Variants in BRCA2 observed in about 807,000 individuals in gnomAD.
BRCA2 encodes the protein BRCA2 DNA repair associated.
A neutral mutation model predicts 276.7 loss-of-function variants in BRCA2; 203 were observed. The observed-to-expected ratio is 0.73, with a 90% CI of 0.65 to 0.82. BRCA2 has a LOEUF of 0.82. Among genes scored for constraint, BRCA2 ranks in the 40% least tolerant of loss-of-function variants. The probability of loss-of-function intolerance (pLI) is 0.00; values close to 1 mark genes in which losing one functional copy is unlikely to be tolerated. For missense variants in BRCA2, 3,920 were observed against 3,915.0 expected (o/e 1.00, Z -0.03); for synonymous variants, 1,289 against 1,338.4 (o/e 0.96, Z 0.81).
intron 13 of BRCA2, 58 bp downstream of exon 13, chr13:32,346,954 TATAA>T (rs2137542138): frequency 7.6e-7 from 1 of 1,322,956 alleles, no homozygotes; most frequent in East Asian, 2.4e-5. Context: ...GTCTCGTTTT[TATAA>T]ATGAACATTT....
rs2137624412 is a variant in BRCA2 at position 32,380,000 on chromosome 13, T to C, written c.9118-7T>C. 6.2e-7 allele frequency: 1 copy of C among 1,614,062 alleles called. No individual in the cohort carries two copies. The highest frequency in any genetic ancestry group is 8.5e-7 in the Non-Finnish European group (1 of 1,179,956). ...CATATGTTGAATTTTTGTTTTGTTT[T>C]CTGTAGGTTTCAGATGAAATTTTAT... On this transcript the variant is annotated splice_polypyrimidine_tract_variant and splice_region_variant and intron_variant, in intron 23 of 26. Transcript: ENST00000380152.
intron 13 of BRCA2, among the ~76,000 whole-genome samples, chr13:32,353,238 C>T (rs747252643): frequency 2.6e-5 from 4 of 152,144 alleles, no homozygotes; most frequent in Non-Finnish European, 4.4e-5. Flanking sequence ...TCTCTTAAAG[C>T]CCAACTCATT....
chr13:32,376,182 T>C (rs2072870030), intron 20 of BRCA2, among the ~76,000 whole-genome samples: 1 of 132,606 alleles, frequency 7.5e-6, no homozygotes, highest in Non-Finnish European at 1.5e-5. Flanking sequence ...TCTGTATGAC[T>C]TTTTTTTTTT....
intron 24 of BRCA2, among the ~76,000 whole-genome samples, chr13:32,390,870 G>A (rs754081884): frequency 1.3e-5 from 2 of 152,170 alleles, no homozygotes; most frequent in Non-Finnish European, 1.5e-5. Flanking sequence ...CAGGTATGCA[G>A]CATCTCATAC....
Position 32,340,248 on chromosome 13 carries a change from C to A in BRCA2, c.5893C>A (p.Leu1965Ile), listed in dbSNP as rs398122542. The A allele has an allele frequency of 6.2e-7, 1 of 1,613,828 alleles. No individual in the cohort carries two copies. The highest frequency in any genetic ancestry group is 8.5e-7 in the Non-Finnish European group (1 of 1,179,900). The change falls in exon 11 of 27, where the codon CTT becomes ATT. Residue 1965 changes from leucine to isoleucine, a missense_variant. Physicochemically the swap from Leu to Ile is conservative, Grantham distance 5. Coordinates refer to ENST00000380152, the MANE Select transcript of BRCA2 (RefSeq NM_000059.4). ...SDICKCSIGK[L>I]HKSVSSANTC... ...TATATGTAAATGTAGTATAGGGAAGCTTCATAAGTCAGTCTCATCTGCAAA... is the reference window on the plus strand; with the variant it reads ...TATATGTAAATGTAGTATAGGGAAGATTCATAAGTCAGTCTCATCTGCAAA...
chr13:32,357,186 A>G (rs2072704095), intron 15 of BRCA2, among the ~76,000 whole-genome samples: 1 of 152,232 alleles, frequency 6.6e-6, no homozygotes, highest in South Asian at 2.1e-4. Flanking sequence ...AGAGAACTGA[A>G]GCATAGAGAG....
rs28897721 is a variant in BRCA2 at position 32,337,936 on chromosome 13, G to A, written c.3581G>A (p.Gly1194Asp). 184 of 1,614,024 alleles carry A rather than the reference G, an allele frequency of 1.1e-4. No homozygotes were observed. Among genetic ancestry groups the A allele is most frequent in the Middle Eastern group, 3.3e-4 (2 of 6,062 alleles). ...GTVEIKRKFA[G>D]LLKNDCNKSA... ...GTTGAAATTAAACGGAAGTTTGCTG[G>A]CCTGTTGAAAAATGACTGTAACAAA... Residue 1194 changes from glycine to aspartate, a missense_variant, in exon 11 of 27, where the codon GGC becomes GAC. Coordinates refer to ENST00000380152, the MANE Select transcript of BRCA2 (RefSeq NM_000059.4).
intron 25 of BRCA2, among the ~76,000 whole-genome samples, chr13:32,396,648 GAA>G (rs1289404032): frequency 6.6e-6 from 1 of 152,192 alleles, no homozygotes; most frequent in East Asian, 1.9e-4. Flanking sequence ...AGATGACAGA[GAA>G]GATCTCTTTC....
rs1239929428 is a variant in BRCA2, at chr13:32,319,209, G to A, written c.200G>A (p.Arg67Lys). Residue 67 changes from arginine to lysine, a missense_variant, in exon 3 of 27, where the codon AGG becomes AAG. By Grantham distance (26) the Arg-to-Lys change is conservative. Transcript: ENST00000380152. ...CCAAACCTATTTAAAACTCCACAAA[G>A]GAAACCATCTTATAATCAGCTGGCT... ...YEPNLFKTPQ[R>K]KPSYNQLAST... The A allele has an allele frequency of 6.2e-7, 1 of 1,613,842 alleles. No homozygotes were observed. Among genetic ancestry groups the A allele is most frequent in the Middle Eastern group, 1.6e-4 (1 of 6,062 alleles).
Position 32,333,406 on chromosome 13 carries a change from T to G in BRCA2, c.1909+19T>G. On this transcript the variant is annotated intron_variant, in intron 10 of 26. Coordinates refer to ENST00000380152, the MANE Select transcript of BRCA2 (RefSeq NM_000059.4). ...GATTCAGGTACCTCTGTCTTTTTTT[T>G]TTTGTAAATAGTACATATAGTTTTA... 2 of 1,606,124 alleles carry G rather than the reference T, an allele frequency of 1.2e-6. No individual in the cohort carries two copies. Among genetic ancestry groups the G allele is most frequent in the South Asian group, 2.3e-5 (2 of 88,638 alleles).
rs80359614 is a variant in BRCA2 at position 32,340,996 on chromosome 13, CT to C, written c.6643del (p.Tyr2215ThrfsTer14). On this transcript the variant is annotated frameshift_variant, in exon 11 of 27. Transcript: ENST00000380152. LOFTEE classifies it high-confidence loss of function. ...PVKTNIEVCS[T>X]YSKDSENYFE... ...AAAACAAATATAGAAGTTTGTTCTA[CT>C]TACTCCAAAGATTCAGAAAACTACT... is the stretch of plus-strand genomic sequence containing the variant. The C allele has an allele frequency of 6.2e-7, 1 of 1,612,110 alleles. No individual in the cohort carries two copies. Among genetic ancestry groups the C allele is most frequent in the Non-Finnish European group, 8.5e-7 (1 of 1,179,474 alleles).
In BRCA2 at chr13:32,399,734, A is replaced by G. The variant is rs979508630; in HGVS notation, c.*964A>G. On this transcript the variant is annotated 3_prime_UTR_variant, in exon 27 of 27. Coordinates refer to ENST00000380152, the MANE Select transcript of BRCA2 (RefSeq NM_000059.4). ...GAGCCTATGCCCTTTTAAACTTACC[A>G]CAAAAGCAGAAGATTAATTCAATTT... 1.8e-5 allele frequency: 3 copies of G among 165,154 alleles called. No individual in the cohort carries two copies. Among genetic ancestry groups the G allele is most frequent in the Non-Finnish European group, 2.6e-5 (2 of 75,660 alleles). 10.2% of individuals were successfully genotyped at this position (165,154 alleles called of 1,614,324 possible). A position where few individuals can be genotyped will look rare whatever the true frequency, so the allele number is the denominator to read the frequency against.
At chr13:32,372,269 C>G (rs1020263020) in intron 20 of BRCA2, among the ~76,000 whole-genome samples, 1 of 152,200 alleles carries the variant, frequency 6.6e-6, no homozygotes, top group African/African-American at 2.4e-5. Context: ...TTCGCCAGGA[C>G]TAGATTCCCT....
Position 32,338,969 on chromosome 13 carries a change from T to C in BRCA2, c.4614T>C (p.Ser1538=), listed in dbSNP as rs45520945. Residue 1538 remains serine, a synonymous_variant, in exon 11 of 27, where the codon TCT becomes TCC. Transcript: ENST00000380152. The part of the protein sequence containing the change: ...SGKKVKIAKE[S]LDKVKNLFDE... ...AAAAAGTTAAAATTGCAAAGGAATC[T>C]TTGGACAAAGTGAAAAACCTTTTTG... The C allele has an allele frequency of 1.7e-4, 268 of 1,613,780 alleles. No individual in the cohort carries two copies. Among genetic ancestry groups the C allele is most frequent in the Non-Finnish European group, 2.2e-4 (260 of 1,179,880 alleles).
chr13:32,325,008 A>G (rs1304608241), intron 3 of BRCA2, 68 bp from the exon 4 acceptor site: 1 of 1,156,834 alleles, frequency 8.6e-7, no homozygotes, highest in Non-Finnish European at 1.3e-6. Context: ...GTTTTTAAAC[A>G]CTTCCAAAGA....
In BRCA2 at chr13:32,326,227, T is replaced by C. The variant is rs200458964; in HGVS notation, c.476-15T>C. On this transcript the variant is annotated splice_polypyrimidine_tract_variant and intron_variant, in intron 5 of 26. Transcript: ENST00000380152. ...AAAATAAAACTTAACAATTTTCCCCTTTTTTTACCCCCAGTGGTATGTGGG... is the reference window on the plus strand; with the variant it reads ...AAAATAAAACTTAACAATTTTCCCCCTTTTTTACCCCCAGTGGTATGTGGG... 3 of 1,612,076 alleles carry C rather than the reference T, an allele frequency of 1.9e-6. No individual in the cohort carries two copies. Among genetic ancestry groups the C allele is most frequent in the African/African-American group, 2.7e-5 (2 of 74,860 alleles).
intron 25 of BRCA2, among the ~76,000 whole-genome samples, chr13:32,395,740 A>T (rs2073031232): frequency 1.3e-5 from 2 of 152,102 alleles, no homozygotes. Context: ...AATATTTGAA[A>T]TGTGTGTTAT....
chr13:32,396,076 C>T (rs1208767766), intron 25 of BRCA2: 18 of 187,812 alleles, frequency 9.6e-5, no homozygotes, highest in East Asian at 5.4e-4. Flanking sequence ...TGGGCTCAAG[C>T]GATTCTCGTG....
intron 16 of BRCA2, among the ~76,000 whole-genome samples, chr13:32,358,946 G>A (rs2137570069): frequency 6.8e-6 from 1 of 147,058 alleles, no homozygotes; most frequent in Middle Eastern, 4.4e-3. Flanking sequence ...AAAAGGCCAG[G>A]TGCGGTGGCT....
Sources: allele counts gnomAD v4.1 joint callset (sites outside exome capture counted in the v4.1 genomes callset), GRCh38; gene constraint gnomAD v4.1.1; transcripts MANE v1.5; gene names NCBI Gene and HGNC (gene_info 2026-07-23, HGNC 2026-07-21).